CDS2: variants seen among roughly 807,000 people sequenced by gnomAD.
CDS2 encodes CDP-diacylglycerol synthase 2.
Under a neutral mutation model 59.0 loss-of-function variants are expected in CDS2, and 47 were observed. That is an observed-to-expected ratio of 0.80 (90% CI 0.63 to 1.02). The LOEUF (loss-of-function observed/expected upper bound fraction) is 1.02, where lower values mean the gene tolerates loss of function less well. Among genes scored for constraint, CDS2 ranks in the 50% least tolerant of loss-of-function variants. The pLI, the probability that CDS2 is intolerant of heterozygous loss-of-function variation, is 0.00. For synonymous variants in CDS2, 207 were observed against 206.4 expected (o/e 1.00, Z -0.02); for missense variants, 356 against 558.9 (o/e 0.64, Z 3.66).
intron 1 of CDS2, among the ~76,000 whole-genome samples, chr20:5,135,572 T>G (rs528184413): frequency 3.3e-5 from 5 of 152,188 alleles, no homozygotes; most frequent in Non-Finnish European, 7.4e-5. Context: ...GTTCCTGCCT[T>G]CCAAGTCTTG....
At chr20:5,165,516 C>A (rs1035356366) in intron 1 of CDS2, among the ~76,000 whole-genome samples, 5 of 151,782 alleles carry the variant, frequency 3.3e-5, no homozygotes, top group African/African-American at 1.2e-4. Context: ...GGTCTCGAGG[C>A]GGAGACTATG....
chr20:5,188,089 A>G (rs11697819), intron 10 of CDS2, among the ~76,000 whole-genome samples: 11,072 of 147,694 alleles, frequency 0.075, 468 homozygotes, highest in Middle Eastern at 0.16. Flanking sequence ...TGTTGATCAC[A>G]TGAGAAAAAA....
At chr20:5,168,955 A>G (rs1453452073) in intron 1 of CDS2, among the ~76,000 whole-genome samples, 3 of 152,188 alleles carry the variant, frequency 2.0e-5, no homozygotes, top group Non-Finnish European at 4.4e-5. Flanking sequence ...AGTTTCTCCA[A>G]AAATGCTAAT....
intron 10 of CDS2, 77 bp downstream of exon 10, chr20:5,186,916 C>G: frequency 1.3e-6 from 2 of 1,532,432 alleles, no homozygotes; most frequent in Non-Finnish European, 1.8e-6. Context: ...ATCACCTGCC[C>G]TCTGAAAAAA....
intron 1 of CDS2, 47 bp downstream of exon 1, chr20:5,127,196 G>T: frequency 7.0e-7 from 1 of 1,433,482 alleles, no homozygotes; most frequent in South Asian, 1.3e-5. Flanking sequence ...CGGCGCATCC[G>T]GGAGGCCTGC....
At chr20:5,137,520 G>T (rs2090658090) in intron 1 of CDS2, among the ~76,000 whole-genome samples, 2 of 151,890 alleles carry the variant, frequency 1.3e-5, no homozygotes, top group African/African-American at 4.8e-5. Flanking sequence ...TGAGATTACA[G>T]ACATGAGCCA....
At chr20:5,169,893 G>A (rs2090942373) in intron 1 of CDS2, among the ~76,000 whole-genome samples, 1 of 152,180 alleles carries the variant, frequency 6.6e-6, no homozygotes, top group Non-Finnish European at 1.5e-5. Context: ...TCATTTATTA[G>A]CACTTGGCCC....
At chr20:5,135,506 T>C (rs904320987) in intron 1 of CDS2, among the ~76,000 whole-genome samples, 1 of 152,210 alleles carries the variant, frequency 6.6e-6, no homozygotes, top group Non-Finnish European at 1.5e-5. Flanking sequence ...TCTTCACTAT[T>C]AATTTTGCCA....
intron 1 of CDS2, among the ~76,000 whole-genome samples, chr20:5,171,201 G>A (rs1600501585): frequency 6.6e-6 from 1 of 152,360 alleles, no homozygotes; most frequent in Admixed American, 6.5e-5. Flanking sequence ...CTCTTAGCAC[G>A]GAGCTGGAGC....
chr20:5,136,168 A>C (rs1217298201), intron 1 of CDS2, among the ~76,000 whole-genome samples: 1 of 152,124 alleles, frequency 6.6e-6, no homozygotes, highest in Non-Finnish European at 1.5e-5. Context: ...TCCACAGTCC[A>C]TGCCTGGCTA....
chr20:5,168,632 AAG>A, intron 1 of CDS2: 1 of 518,570 alleles, frequency 1.9e-6, no homozygotes, highest in Non-Finnish European at 3.9e-6. Flanking sequence ...GCACCAAGTG[AAG>A]ACCGAAAGGG....
chr20:5,176,315 T>G (rs2090994778), intron 3 of CDS2: 1 of 209,148 alleles, frequency 4.8e-6, no homozygotes, highest in Non-Finnish European at 9.9e-6. Context: ...CTAGCACTTT[T>G]GGAGGCTGAG....
At chr20:5,137,493 T>C (rs954440458) in intron 1 of CDS2, among the ~76,000 whole-genome samples, 16 of 150,418 alleles carry the variant, frequency 1.1e-4, no homozygotes, top group African/African-American at 3.7e-4. Context: ...TCTGCCCGCC[T>C]TGGCCTCCCA....
At chr20:5,173,408 G>T in intron 1 of CDS2, 115 bp from the exon 2 acceptor site, 1 of 1,197,508 alleles carries the variant, frequency 8.4e-7, no homozygotes, top group Non-Finnish European at 1.2e-6. Context: ...ACTGTGCCAG[G>T]TTCTTAGGCC....
chr20:5,171,243 G>A lies in CDS2; in HGVS notation c.58-2280G>A, dbSNP rs1329375620. 3.9e-5 allele frequency among the ~76,000 whole-genome samples: 6 copies of A among 152,204 alleles called. No homozygotes were observed. In the South Asian group the frequency reaches 6.2e-4, roughly 16 times the overall value. On this transcript the variant is annotated intron_variant, in intron 1 of 12. Transcript: ENST00000460006. ...CTCCTCCCTCGCAGGACGCTGCCTGGGTTCCGTTCCTGTCCTTCCCTGCCT... is the reference window on the plus strand; with the variant it reads ...CTCCTCCCTCGCAGGACGCTGCCTGAGTTCCGTTCCTGTCCTTCCCTGCCT...
rs768694975 is a variant in CDS2 at position 5,192,909 on chromosome 20, T to C, written c.*2675T>C. On this transcript the variant is annotated 3_prime_UTR_variant, in exon 13 of 13. Coordinates refer to ENST00000460006, the MANE Select transcript of CDS2 (RefSeq NM_003818.4). Reference sequence around the variant, plus strand: ...AGTCAGGACTCACTCCATCCTGCACTTTACCCACAGGACACCTGGAGGGTC... The same window carrying C: ...AGTCAGGACTCACTCCATCCTGCACCTTACCCACAGGACACCTGGAGGGTC... 6 of 152,232 alleles carry C rather than the reference T, an allele frequency of 3.9e-5. No homozygotes were observed. Among genetic ancestry groups the C allele is most frequent in the Non-Finnish European group, 8.8e-5 (6 of 68,054 alleles). The allele number at this position is 152,232 out of a possible 1,614,324, so 9.4% of individuals were successfully genotyped here. A position where few individuals can be genotyped will look rare whatever the true frequency, so the allele number is the denominator to read the frequency against.
chr20:5,189,691 G>C, intron 11 of CDS2, 44 bp from the exon 12 acceptor site: 1 of 1,464,276 alleles, frequency 6.8e-7, no homozygotes, highest in Non-Finnish European at 9.5e-7. Context: ...GGATTGGTTA[G>C]TGGCTGAGCC....
At position 5,194,107 on chromosome 20, in the gene CDS2, A is replaced by G. The variant is rs1568547871; in HGVS notation, c.*3873A>G. The G allele has an allele frequency of 6.6e-6, 1 of 152,126 alleles. No homozygotes were observed. Among genetic ancestry groups the G allele is most frequent in the Non-Finnish European group, 1.5e-5 (1 of 68,028 alleles). The allele number at this position is 152,126 out of a possible 1,614,324, so 9.4% of individuals were successfully genotyped here. A position where few individuals can be genotyped will look rare whatever the true frequency, so the allele number is the denominator to read the frequency against. Reference sequence around the variant, plus strand: ...CACTGGACTCCAAAGAGCAGGTGGAACAAACTCTGGCCTGAAGATGATGGC... The same window carrying G: ...CACTGGACTCCAAAGAGCAGGTGGAGCAAACTCTGGCCTGAAGATGATGGC... On this transcript the variant is annotated 3_prime_UTR_variant, in exon 13 of 13. Coordinates refer to ENST00000460006, the MANE Select transcript of CDS2 (RefSeq NM_003818.4).
chr20:5,131,759 G>T (rs6053134), intron 1 of CDS2, among the ~76,000 whole-genome samples: 32,040 of 152,200 alleles, frequency 0.21, 6,171 homozygotes, highest in African/African-American at 0.52. Context: ...CATAAAGGCT[G>T]TGTAACTTTG....
Sources: allele counts gnomAD v4.1 joint callset (sites outside exome capture counted in the v4.1 genomes callset), GRCh38; gene constraint gnomAD v4.1.1; transcripts MANE v1.5; gene names NCBI Gene and HGNC (gene_info 2026-07-23, HGNC 2026-07-21).